Variants in CCDC60 observed in about 807,000 individuals in gnomAD.
CCDC60 encodes the protein coiled-coil domain-containing protein 60.
CCDC60 carries 54 observed loss-of-function variants against 63.5 expected under a neutral mutation model. The ratio of observed to expected loss-of-function variants is 0.85; its 90% CI spans 0.68 to 1.07. The LOEUF (loss-of-function observed/expected upper bound fraction) is 1.07. Among genes scored for constraint, CCDC60 ranks in the 50% least tolerant of loss-of-function variants. The pLI, the probability that CCDC60 is intolerant of heterozygous loss-of-function variation, is 0.00. For synonymous variants in CCDC60, 206 were observed against 238.8 expected, an observed-to-expected ratio of 0.86 and a Z score of 1.27; for missense variants, 651 against 684.3, an observed-to-expected ratio of 0.95 and a Z score of 0.54.
chr12:119,371,938 T>C (rs1955902340), intron 1 of CCDC60, among the ~76,000 whole-genome samples: 1 of 152,120 alleles, frequency 6.6e-6, no homozygotes, highest in East Asian at 1.9e-4. Flanking sequence ...GAGGTGGCAC[T>C]AGGACAGAGG....
At chr12:119,455,937 AAG>A (rs146576566) in intron 2 of CCDC60, among the ~76,000 whole-genome samples, 4 of 125,450 alleles carry the variant, frequency 3.2e-5, no homozygotes, top group Non-Finnish European at 5.0e-5. Context: ...AAGAAAGAGA[AAG>A]AGAGAGAAAG....
intron 1 of CCDC60, among the ~76,000 whole-genome samples, chr12:119,368,085 AG>A (rs947719385): frequency 6.6e-5 from 9 of 135,454 alleles, no homozygotes; most frequent in Admixed American, 5.3e-4. Flanking sequence ...AAGAAGGAGG[AG>A]GGGGAGGAGG....
intron 1 of CCDC60, among the ~76,000 whole-genome samples, chr12:119,417,593 A>G (rs1055985872): frequency 1.3e-5 from 2 of 152,198 alleles, no homozygotes; most frequent in Non-Finnish European, 2.9e-5. Flanking sequence ...TTATTTAACT[A>G]GTACCTGGTC....
intron 2 of CCDC60, among the ~76,000 whole-genome samples, chr12:119,437,435 T>G (rs1165776556): frequency 6.6e-6 from 1 of 152,182 alleles, no homozygotes; most frequent in Non-Finnish European, 1.5e-5. Context: ...TACATGGGAT[T>G]TAATTTCTTT....
At chr12:119,493,680 T>C (rs1015622064) in intron 5 of CCDC60, among the ~76,000 whole-genome samples, 2 of 152,224 alleles carry the variant, frequency 1.3e-5, no homozygotes, top group African/African-American at 4.8e-5. Context: ...ACAGTAGAAA[T>C]TGAAACCAAC....
chr12:119,516,478 C>A (rs1450940780), intron 7 of CCDC60, 145 bp from the exon 8 acceptor site: 1 of 604,836 alleles, frequency 1.7e-6, no homozygotes, highest in East Asian at 2.8e-5. Flanking sequence ...TCAGCCACCT[C>A]TTCTGGACCC....
At chr12:119,381,076 G>C (rs1300473293) in intron 1 of CCDC60, among the ~76,000 whole-genome samples, 3 of 152,196 alleles carry the variant, frequency 2.0e-5, no homozygotes, top group Admixed American at 6.5e-5. Context: ...GACTTTGCCT[G>C]AATATGCCCA....
chr12:119,493,667 T>C (rs371067980), intron 5 of CCDC60, among the ~76,000 whole-genome samples: 1 of 152,198 alleles, frequency 6.6e-6, no homozygotes, highest in African/African-American at 2.4e-5. Context: ...GATGATCGGG[T>C]CCACAGTAGA....
chr12:119,456,319 C>T lies in CCDC60; in HGVS notation c.171-15675C>T, dbSNP rs540545596. Among the ~76,000 whole-genome samples the T allele has an allele frequency of 1.3e-5, 2 of 152,292 alleles. No homozygotes were observed. The highest frequency in any genetic ancestry group is 4.1e-4 in the South Asian group (2 of 4,824). On this transcript the variant is annotated intron_variant, in intron 2 of 13. Transcript: ENST00000327554. This position sits in a 1 kb window ranked among gnomAD's most constrained non-coding sequence, Gnocchi z 4.6. ...AGGAAAAGACCTGGTGGGAAACTAC[C>T]TAAAGTAAATGATGGTTTCTGGCTA... is the stretch of plus-strand genomic sequence containing the variant.
intron 1 of CCDC60, among the ~76,000 whole-genome samples, chr12:119,415,811 G>C (rs11064788): frequency 6.6e-6 from 1 of 152,102 alleles, no homozygotes; most frequent in Non-Finnish European, 1.5e-5. Flanking sequence ...ACTAAACTTC[G>C]CTGTTATAAC....
At chr12:119,504,468 C>T (rs1422007829) in intron 6 of CCDC60, among the ~76,000 whole-genome samples, 4 of 152,216 alleles carry the variant, frequency 2.6e-5, no homozygotes, top group Non-Finnish European at 5.9e-5. Flanking sequence ...AACCGTGGCT[C>T]CTCCCCCAAG....
intron 1 of CCDC60, among the ~76,000 whole-genome samples, chr12:119,428,000 A>G (rs1412153366): frequency 6.6e-6 from 1 of 152,148 alleles, no homozygotes; most frequent in Non-Finnish European, 1.5e-5. Flanking sequence ...AAATAAAAAT[A>G]TAATATAGTT....
At chr12:119,340,591 A>G (rs1955522059) in intron 1 of CCDC60, among the ~76,000 whole-genome samples, 1 of 152,110 alleles carries the variant, frequency 6.6e-6, no homozygotes, top group African/African-American at 2.4e-5. Context: ...TAGAAGCCCA[A>G]TCCAGCATAT....
At chr12:119,493,573 G>A (rs2136391227) in intron 5 of CCDC60, among the ~76,000 whole-genome samples, 1 of 151,978 alleles carries the variant, frequency 6.6e-6, no homozygotes, top group South Asian at 2.1e-4. Context: ...TTCATCATGT[G>A]GCAATTTAAA....
chr12:119,336,814 CAA>C (rs1318776734), intron 1 of CCDC60, among the ~76,000 whole-genome samples: 1 of 152,176 alleles, frequency 6.6e-6, no homozygotes, highest in Admixed American at 6.5e-5. Flanking sequence ...ATTTGAAAAA[CAA>C]AGAAAAATCG....
intron 1 of CCDC60, among the ~76,000 whole-genome samples, chr12:119,406,212 G>A (rs960123266): frequency 2.1e-4 from 32 of 151,738 alleles, no homozygotes; most frequent in African/African-American, 6.3e-4. Flanking sequence ...TATAGAGAGA[G>A]AGAGAGAGAG....
chr12:119,355,061 C>G (rs1436717911), intron 1 of CCDC60, among the ~76,000 whole-genome samples: 1 of 152,182 alleles, frequency 6.6e-6, no homozygotes, highest in Non-Finnish European at 1.5e-5. Context: ...CTGTTTGACC[C>G]TTGAACAAAT....
At chr12:119,380,507 T>C (rs1955997400) in intron 1 of CCDC60, among the ~76,000 whole-genome samples, 1 of 152,208 alleles carries the variant, frequency 6.6e-6, no homozygotes, top group Non-Finnish European at 1.5e-5. Context: ...TTTTAGGTCT[T>C]CTCTTACCCA....
chr12:119,498,435 C>T (rs574186335), intron 5 of CCDC60, among the ~76,000 whole-genome samples: 2 of 152,062 alleles, frequency 1.3e-5, no homozygotes, highest in African/African-American at 2.4e-5. Flanking sequence ...CAGGTTCAAG[C>T]GATTCTGCTG....
Sources: gnomAD v4.1 joint callset for allele counts (sites outside exome capture counted in the v4.1 genomes callset) on GRCh38, gnomAD v4.1.1 for gene constraint, Gnocchi (gnomAD v3.1) non-coding constraint, MANE v1.5 for transcripts, NCBI Gene and HGNC (gene_info 2026-07-23, HGNC 2026-07-21) for gene names.